Variants in LMNTD1 observed in about 807,000 individuals in gnomAD.
LMNTD1 encodes lamin tail domain containing 1.
LMNTD1 carries 35 observed loss-of-function variants against 50.9 expected under a neutral mutation model. The ratio of observed to expected loss-of-function variants is 0.69; its 90% CI spans 0.53 to 0.91. The LOEUF (loss-of-function observed/expected upper bound fraction) is 0.91. Among genes scored for constraint, LMNTD1 ranks in the 40% least tolerant of loss-of-function variants. LMNTD1 has a pLI of 0.00. For missense variants in LMNTD1, 470 were observed against 475.5 expected, an observed-to-expected ratio of 0.99 and a Z score of 0.11; for synonymous variants, 153 against 161.9, an observed-to-expected ratio of 0.94 and a Z score of 0.42.
At chr12:25,513,898 A>G (rs982378124) in intron 8 of LMNTD1, among the ~76,000 whole-genome samples, 6 of 152,236 alleles carry the variant, frequency 3.9e-5, no homozygotes, top group Non-Finnish European at 7.3e-5. Flanking sequence ...GAAAATATCA[A>G]TGAAAGCCAT....
At chr12:25,496,189 G>C (rs1591826204) in intron 9 of LMNTD1, among the ~76,000 whole-genome samples, 1 of 151,996 alleles carries the variant, frequency 6.6e-6, no homozygotes, top group South Asian at 2.1e-4. Context: ...AGGAAAAGAG[G>C]TTGGGAGGGA....
intron 1 of LMNTD1, among the ~76,000 whole-genome samples, chr12:25,640,772 C>T (rs182079084): frequency 6.6e-6 from 1 of 152,110 alleles, no homozygotes; most frequent in East Asian, 2.0e-4. Context: ...ACGCCATTCT[C>T]CTGCCTAAGC....
At chr12:25,616,817 T>C in intron 1 of LMNTD1, among the ~76,000 whole-genome samples, 1 of 152,190 alleles carries the variant, frequency 6.6e-6, no homozygotes, top group East Asian at 1.9e-4. Context: ...AACAGAGTTC[T>C]GTTTCCCAGG....
At chr12:25,567,252 T>A (rs989446618) in intron 1 of LMNTD1, among the ~76,000 whole-genome samples, 1 of 152,244 alleles carries the variant, frequency 6.6e-6, no homozygotes, top group Non-Finnish European at 1.5e-5. Context: ...TAGACATCTT[T>A]ATTTTCTTGA....
At chr12:25,633,900 T>C (rs117555324) in intron 1 of LMNTD1, among the ~76,000 whole-genome samples, 3,866 of 152,114 alleles carry the variant, frequency 0.025, 63 homozygotes, top group Non-Finnish European at 0.038. Flanking sequence ...GAAATCTATC[T>C]TTGAAAAGAT....
intron 1 of LMNTD1, among the ~76,000 whole-genome samples, chr12:25,584,396 A>G (rs1945437201): frequency 6.6e-6 from 1 of 152,180 alleles, no homozygotes; most frequent in South Asian, 2.1e-4. Flanking sequence ...TCTTTAAGCT[A>G]TGGCACATCA....
At chr12:25,482,491 T>C (rs1938477244) in intron 9 of LMNTD1, among the ~76,000 whole-genome samples, 1 of 152,030 alleles carries the variant, frequency 6.6e-6, no homozygotes. Flanking sequence ...TGTTGACCCA[T>C]TATGCTTTTT....
chr12:25,532,894 G>T (rs1942321445), intron 4 of LMNTD1, among the ~76,000 whole-genome samples: 1 of 151,946 alleles, frequency 6.6e-6, no homozygotes, highest in Non-Finnish European at 1.5e-5. Flanking sequence ...TTGTTTTTCA[G>T]ACTTGCTTTT....
At position 25,546,501 on chromosome 12, in the gene LMNTD1, C is replaced by A. The variant is rs1943442501; in HGVS notation, c.364G>T (p.Asp122Tyr). 1.9e-6 allele frequency: 3 copies of A among 1,591,208 alleles called. No individual in the cohort carries two copies. The highest frequency in any genetic ancestry group is 2.6e-6 in the Non-Finnish European group (3 of 1,167,014). ...KKQDESPMIG[D>Y]GEDYFLSLFG... ...AAAGAAAGGAAATAATCTTCTCCAT[C>A]CCCAATCATGGGTGATTCATCCTGT... The change falls in exon 4 of 10, where the codon GAT becomes TAT. Residue 122 changes from aspartate (D) to tyrosine (Y), a missense_variant. By Grantham distance (160) the Asp-to-Tyr change is radical (BLOSUM62 -3). Coordinates refer to ENST00000458174, the MANE Select transcript of LMNTD1 (RefSeq NM_001145728.2).
At chr12:25,597,839 G>A (rs1398653994) in intron 1 of LMNTD1, among the ~76,000 whole-genome samples, 1 of 152,088 alleles carries the variant, frequency 6.6e-6, no homozygotes, top group Non-Finnish European at 1.5e-5. Context: ...ATTAATAAGA[G>A]AAATTTTGGA....
chr12:25,532,378 C>T (rs975433117), intron 4 of LMNTD1, among the ~76,000 whole-genome samples: 2 of 152,124 alleles, frequency 1.3e-5, no homozygotes, highest in African/African-American at 4.8e-5. Flanking sequence ...CTTGAAGTTT[C>T]AACTGAAAGC....
chr12:25,501,568 T>G (rs1939392416), intron 9 of LMNTD1, among the ~76,000 whole-genome samples: 1 of 152,192 alleles, frequency 6.6e-6, no homozygotes, highest in South Asian at 2.1e-4. Context: ...GATTCTAGTC[T>G]TAACTTTGCT....
chr12:25,589,070 G>C (rs937027407), intron 1 of LMNTD1, among the ~76,000 whole-genome samples: 1 of 152,168 alleles, frequency 6.6e-6, no homozygotes, highest in East Asian at 1.9e-4. Flanking sequence ...ATCTAACAGA[G>C]CTGGAGACAT....
rs778508449 is a variant in LMNTD1, at chr12:25,520,068, G to A, written c.806C>T (p.Ala269Val). ...CTTCCAGTGGATAGGGGTGTACCAC[G>A]CAATGGCCTAATGAAAATGATTTAT... ...ILCKPNGQAIAWYTPIHWKQA... is the reference protein window; with the variant it reads ...ILCKPNGQAIVWYTPIHWKQA... Residue 269 changes from alanine to valine, a missense_variant, in exon 7 of 10, where the codon GCG becomes GTG. Coordinates refer to ENST00000458174, the MANE Select transcript of LMNTD1 (RefSeq NM_001145728.2). The A allele has an allele frequency of 1.9e-6, 3 of 1,602,570 alleles. No homozygotes were observed. Among genetic ancestry groups the A allele is most frequent in the Middle Eastern group, 1.7e-4 (1 of 5,988 alleles).
chr12:25,570,068 GT>G (rs1211389757), intron 1 of LMNTD1, among the ~76,000 whole-genome samples: 1 of 152,120 alleles, frequency 6.6e-6, no homozygotes, highest in Non-Finnish European at 1.5e-5. Flanking sequence ...GTTCAGTTTT[GT>G]CTGACTTCAG....
At chr12:25,496,741 A>T (rs1474437788) in intron 9 of LMNTD1, among the ~76,000 whole-genome samples, 1 of 152,168 alleles carries the variant, frequency 6.6e-6, no homozygotes, top group Admixed American at 6.5e-5. Flanking sequence ...CATTTTAACC[A>T]TTTTAGTGTA....
intron 1 of LMNTD1, among the ~76,000 whole-genome samples, chr12:25,612,195 C>G (rs1172117487): frequency 6.6e-6 from 1 of 152,000 alleles, no homozygotes; most frequent in Non-Finnish European, 1.5e-5. Context: ...TAGATTAACT[C>G]AAATGCTTCT....
intron 1 of LMNTD1, among the ~76,000 whole-genome samples, chr12:25,579,261 A>G (rs1945169689): frequency 6.6e-6 from 1 of 152,204 alleles, no homozygotes; most frequent in Non-Finnish European, 1.5e-5. Context: ...TCTGTACTGA[A>G]CATGTACAGA....
chr12:25,577,673 A>G (rs1470914481), intron 1 of LMNTD1, among the ~76,000 whole-genome samples: 1 of 152,118 alleles, frequency 6.6e-6, no homozygotes, highest in Non-Finnish European at 1.5e-5. Flanking sequence ...AATACACTTT[A>G]TTTCTTTCTC....
Sources: allele counts gnomAD v4.1 joint callset (sites outside exome capture counted in the v4.1 genomes callset), GRCh38; gene constraint gnomAD v4.1.1; transcripts MANE v1.5; gene names NCBI Gene and HGNC (gene_info 2026-07-23, HGNC 2026-07-21).